RAB2A: variants seen among roughly 807,000 people sequenced by gnomAD.
The protein encoded by RAB2A is ras-related protein Rab-2A.
A neutral mutation model predicts 32.5 loss-of-function variants in RAB2A; 7 were observed. That is an observed-to-expected ratio of 0.22 (90% CI 0.12 to 0.40). RAB2A has a LOEUF of 0.40. Ranked by LOEUF, RAB2A falls within the 10% of genes least tolerant of loss-of-function variation. The pLI is 1.00. For synonymous variants in RAB2A, 79 were observed against 85.2 expected, an observed-to-expected ratio of 0.93 and a Z score of 0.40; for missense variants, 108 against 260.7, an observed-to-expected ratio of 0.41 and a Z score of 4.03.
chr8:60,562,640 G>A (rs1047206172), intron 2 of RAB2A, among the ~76,000 whole-genome samples: 1 of 152,098 alleles, frequency 6.6e-6, no homozygotes, highest in Non-Finnish European at 1.5e-5. Context: ...TTGAGGTAAT[G>A]ATACTTAAAA....
intron 1 of RAB2A, among the ~76,000 whole-genome samples, chr8:60,537,119 G>A (rs117523130): frequency 0.013 from 2,052 of 152,188 alleles, 15 homozygotes; most frequent in Non-Finnish European, 0.023. Context: ...CACAGTATAA[G>A]GTATATTTTA....
intron 1 of RAB2A, chr8:60,551,856 ATT>A (rs34092556): frequency 0.25 from 22,564 of 90,170 alleles, 2,640 homozygotes; most frequent in African/African-American, 0.48. Context: ...CCATGCCTTG[ATT>A]TTTTTTTTTT....
At chr8:60,539,036 T>G (rs758318710) in intron 1 of RAB2A, among the ~76,000 whole-genome samples, 16 of 152,166 alleles carry the variant, frequency 1.1e-4, no homozygotes, top group Admixed American at 3.3e-4. Context: ...AATTGATAGT[T>G]TTTTTTTCTT....
chr8:60,587,704 T>A (rs1042587910), intron 5 of RAB2A, among the ~76,000 whole-genome samples: 5 of 152,230 alleles, frequency 3.3e-5, no homozygotes, highest in African/African-American at 9.6e-5. Flanking sequence ...CCACAGTGTA[T>A]ATATACTTTA....
Position 60,621,884 on chromosome 8 carries a change from A to T in RAB2A, c.*1115A>T, listed in dbSNP as rs1804534411. Reference sequence around the variant, plus strand: ...TATCAGATGGAAAATCCTGTTACAAAGTAGAAAAGCTTTAGTAATTTACTC... The same window carrying T: ...TATCAGATGGAAAATCCTGTTACAATGTAGAAAAGCTTTAGTAATTTACTC... On this transcript the variant is annotated 3_prime_UTR_variant, in exon 8 of 8. Transcript: ENST00000262646. 1 of 152,208 alleles carries T rather than the reference A, an allele frequency of 6.6e-6. No individual in the cohort carries two copies. The highest frequency in any genetic ancestry group is 2.1e-4 in the South Asian group (1 of 4,832). The allele number at this position is 152,208 out of a possible 1,614,324, so 9.4% of individuals were successfully genotyped here.
intron 3 of RAB2A, among the ~76,000 whole-genome samples, chr8:60,572,700 T>A (rs1480789953): frequency 6.6e-6 from 1 of 152,228 alleles, no homozygotes; most frequent in African/African-American, 2.4e-5. Context: ...TTATATACAT[T>A]GGGTGCCTTA....
intron 6 of RAB2A, among the ~76,000 whole-genome samples, chr8:60,600,066 TAA>T (rs36105307): frequency 3.0e-3 from 417 of 139,886 alleles, no homozygotes; most frequent in Non-Finnish European, 4.9e-3. Flanking sequence ...TACTCGGTAG[TAA>T]AAAAAAAAAA....
intron 1 of RAB2A, 93 bp downstream of exon 1, chr8:60,517,346 T>C: frequency 1.7e-6 from 2 of 1,189,518 alleles, no homozygotes; most frequent in South Asian, 3.8e-5. Context: ...GGACGCGGAC[T>C]CCACCCGGCG....
At chr8:60,529,443 C>T (rs974822609) in intron 1 of RAB2A, among the ~76,000 whole-genome samples, 15 of 152,240 alleles carry the variant, frequency 9.9e-5, no homozygotes, top group Non-Finnish European at 1.3e-4. Flanking sequence ...CAGATTATTT[C>T]TCCCCTCCCC....
At chr8:60,585,436 CAA>C (rs1167119610) in intron 5 of RAB2A, among the ~76,000 whole-genome samples, 1 of 152,088 alleles carries the variant, frequency 6.6e-6, no homozygotes, top group East Asian at 1.9e-4. Context: ...CCTCAGCCTC[CAA>C]AGTGGCTGAG....
intron 1 of RAB2A, among the ~76,000 whole-genome samples, chr8:60,539,169 G>C (rs937350624): frequency 2.0e-5 from 3 of 152,156 alleles, no homozygotes; most frequent in Admixed American, 6.5e-5. Context: ...GTGCAAGGTC[G>C]TTTTCAAAAT....
At chr8:60,598,576 C>T (rs1422958744) in intron 6 of RAB2A, among the ~76,000 whole-genome samples, 2 of 151,990 alleles carry the variant, frequency 1.3e-5, no homozygotes, top group Admixed American at 6.5e-5. Flanking sequence ...ATCATGGCCA[C>T]ATGGGGTTTA....
At chr8:60,592,072 G>T in intron 6 of RAB2A, 103 bp downstream of exon 6, 1 of 622,000 alleles carries the variant, frequency 1.6e-6, no homozygotes, top group Middle Eastern at 4.7e-4. Context: ...GATGGTCTTT[G>T]AACATCATAA....
intron 6 of RAB2A, among the ~76,000 whole-genome samples, chr8:60,609,103 AGC>A (rs1201608625): frequency 1.3e-4 from 20 of 152,314 alleles, no homozygotes; most frequent in African/African-American, 4.6e-4. Context: ...CAAACTCCTT[AGC>A]TTGGCATGCA....
At chr8:60,586,373 T>G (rs1803847302) in intron 5 of RAB2A, among the ~76,000 whole-genome samples, 1 of 135,646 alleles carries the variant, frequency 7.4e-6, no homozygotes, top group Admixed American at 7.5e-5. Flanking sequence ...AAGGAAAGCC[T>G]CCTGCCCGTT....
chr8:60,597,748 CAAAG>C (rs759300834), intron 6 of RAB2A, among the ~76,000 whole-genome samples: 41 of 152,116 alleles, frequency 2.7e-4, no homozygotes, highest in Non-Finnish European at 4.0e-4. Flanking sequence ...ATCAGTGAAA[CAAAG>C]AGCTGGATTT....
At chr8:60,594,422 T>C (rs1474733637) in intron 6 of RAB2A, among the ~76,000 whole-genome samples, 3 of 152,178 alleles carry the variant, frequency 2.0e-5, no homozygotes, top group Non-Finnish European at 4.4e-5. Context: ...GTTCTAATGA[T>C]AGCAGATTTC....
intron 1 of RAB2A, among the ~76,000 whole-genome samples, chr8:60,526,020 C>CATATATATATATATATAT (rs146162692): frequency 3.2e-5 from 3 of 92,344 alleles, no homozygotes; most frequent in Admixed American, 1.2e-4. Flanking sequence ...TGTGTGTGTA[C>CATATATATATATATATAT]ATATATATAT....
chr8:60,540,724 T>A (rs181228025), intron 1 of RAB2A, among the ~76,000 whole-genome samples: 61 of 152,318 alleles, frequency 4.0e-4, no homozygotes, highest in African/African-American at 1.3e-3. Context: ...TCAAGTGATC[T>A]GCCCACCTTG....
Sources: allele counts gnomAD v4.1 joint callset (sites outside exome capture counted in the v4.1 genomes callset), GRCh38; gene constraint gnomAD v4.1.1; transcripts MANE v1.5; gene names NCBI Gene and HGNC (gene_info 2026-07-23, HGNC 2026-07-21).